CAMK1D: variants seen among roughly 807,000 people sequenced by gnomAD.
The protein encoded by CAMK1D is calcium/calmodulin-dependent protein kinase type 1D.
Under a neutral mutation model 47.7 loss-of-function variants are expected in CAMK1D, and 9 were observed. The observed-to-expected ratio is 0.19, with a 90% CI of 0.11 to 0.33. The LOEUF is 0.33. Ranked by LOEUF, CAMK1D falls within the 10% of genes least tolerant of loss-of-function variation. CAMK1D has a pLI of 1.00. For missense variants in CAMK1D, 291 were observed against 488.7 expected (o/e 0.60, Z 3.81); for synonymous variants, 184 against 184.9 (o/e 0.99, Z 0.04).
intron 1 of CAMK1D, among the ~76,000 whole-genome samples, chr10:12,354,007 A>G (rs1234119741): frequency 6.6e-6 from 1 of 152,100 alleles, no homozygotes; most frequent in African/African-American, 2.4e-5. Context: ...TCTAGGAAGC[A>G]CCCTAGACTC....
intron 2 of CAMK1D, among the ~76,000 whole-genome samples, chr10:12,612,469 G>C (rs1252471045): frequency 2.0e-5 from 3 of 151,222 alleles, no homozygotes; most frequent in Admixed American, 1.3e-4. Flanking sequence ...AGCCTCCCAA[G>C]TAGTGGGGAT....
intron 5 of CAMK1D, among the ~76,000 whole-genome samples, chr10:12,787,650 T>C (rs908305625): frequency 1.3e-5 from 2 of 152,242 alleles, no homozygotes; most frequent in Non-Finnish European, 2.9e-5. Context: ...CTTTCTCGTG[T>C]ATCTGTTGCT....
intron 1 of CAMK1D, among the ~76,000 whole-genome samples, chr10:12,420,331 C>T (rs1840007641): frequency 6.6e-6 from 1 of 152,150 alleles, no homozygotes; most frequent in Non-Finnish European, 1.5e-5. Flanking sequence ...TAGTAGTAGT[C>T]CTTTTCATAT....
Position 12,535,116 on chromosome 10 carries a change from A to C in CAMK1D, c.93-18109A>C, listed in dbSNP as rs546069411. On this transcript the variant is annotated intron_variant, in intron 1 of 10. Coordinates refer to ENST00000619168, the MANE Select transcript of CAMK1D (RefSeq NM_153498.4). ...TAAGCTGAGACACAGGAAGTGAGGC[A>C]CAGTCCCTGCTACAGCCCATCGTAT... 1.5e-4 allele frequency among the ~76,000 whole-genome samples: 23 copies of C among 152,308 alleles called. 1 individual carries two copies. The highest frequency in any genetic ancestry group is 3.4e-3 in the Middle Eastern group (1 of 294).
At chr10:12,636,745 A>G (rs1219374458) in intron 2 of CAMK1D, among the ~76,000 whole-genome samples, 1 of 152,202 alleles carries the variant, frequency 6.6e-6, no homozygotes, top group East Asian at 1.9e-4. Context: ...TCCAAAGCTG[A>G]GGCTTTTTCT....
intron 4 of CAMK1D, 74 bp from the exon 5 acceptor site, chr10:12,769,599 A>G: frequency 1.3e-6 from 2 of 1,538,556 alleles, no homozygotes; most frequent in Non-Finnish European, 1.8e-6. Flanking sequence ...TAGGTTTTGC[A>G]GCTGAATGAG....
At chr10:12,638,704 A>G (rs1839581035) in intron 2 of CAMK1D, among the ~76,000 whole-genome samples, 1 of 152,152 alleles carries the variant, frequency 6.6e-6, no homozygotes, top group African/African-American at 2.4e-5. Flanking sequence ...CCAGAGTGCA[A>G]TCGTGTCTGC....
intron 3 of CAMK1D, among the ~76,000 whole-genome samples, chr10:12,751,071 GATAAGATAAGATAAGATAAGAT>G (rs1564535352): frequency 8.7e-4 from 22 of 25,150 alleles, no homozygotes; most frequent in African/African-American, 2.7e-3. Context: ...GATAAGATAA[GATAAGATAAGATAAGATAAGAT>G]AAGATAAGAT....
chr10:12,468,052 C>T (rs11257811), intron 1 of CAMK1D, among the ~76,000 whole-genome samples: 40,607 of 152,004 alleles, frequency 0.27, 6,130 homozygotes, highest in Non-Finnish European at 0.33. Flanking sequence ...TATGCAAATA[C>T]GCTTTTTAAT....
intron 1 of CAMK1D, among the ~76,000 whole-genome samples, chr10:12,413,873 G>C (rs973806548): frequency 5.3e-5 from 8 of 152,322 alleles, no homozygotes; most frequent in African/African-American, 1.9e-4. Context: ...AGTAAAATGA[G>C]AAAGATAATG....
intron 3 of CAMK1D, among the ~76,000 whole-genome samples, chr10:12,714,805 C>A (rs1027642040): frequency 2.0e-5 from 3 of 149,030 alleles, no homozygotes; most frequent in African/African-American, 5.0e-5. Flanking sequence ...CACACACACA[C>A]AATGTCTGAT....
chr10:12,434,693 C>G (rs1832577595), intron 1 of CAMK1D, among the ~76,000 whole-genome samples: 1 of 152,224 alleles, frequency 6.6e-6, no homozygotes, highest in Non-Finnish European at 1.5e-5. Flanking sequence ...GTTTTCAAAT[C>G]TGTTAAATAA....
intron 3 of CAMK1D, among the ~76,000 whole-genome samples, chr10:12,714,479 G>T (rs1048285001): frequency 6.6e-6 from 1 of 152,116 alleles, no homozygotes. Context: ...CCAGCACTTT[G>T]GGGGGCCAAG....
At chr10:12,522,296 A>C (rs1385146653) in intron 1 of CAMK1D, among the ~76,000 whole-genome samples, 2 of 141,226 alleles carry the variant, frequency 1.4e-5, no homozygotes, top group Non-Finnish European at 3.1e-5. Flanking sequence ...GTCAGCAGAC[A>C]AACAAGTGAA....
At chr10:12,480,915 G>A (rs12774912) in intron 1 of CAMK1D, among the ~76,000 whole-genome samples, 214 of 152,230 alleles carry the variant, frequency 1.4e-3, no homozygotes, top group Non-Finnish European at 2.0e-3. Flanking sequence ...GAAAGAGATC[G>A]GATCTAACCA....
chr10:12,826,811 C>A (rs1377077261), intron 10 of CAMK1D, among the ~76,000 whole-genome samples: 1 of 152,240 alleles, frequency 6.6e-6, no homozygotes, highest in Non-Finnish European at 1.5e-5. Flanking sequence ...GAATCTTTTC[C>A]ACCCTCTGGT....
intron 3 of CAMK1D, among the ~76,000 whole-genome samples, chr10:12,714,676 G>A (rs1039199717): frequency 7.3e-5 from 11 of 151,472 alleles, no homozygotes; most frequent in African/African-American, 9.7e-5. Flanking sequence ...CCGAGATCAC[G>A]CCACTGCACT....
intron 4 of CAMK1D, among the ~76,000 whole-genome samples, chr10:12,761,888 A>AT (rs1836525633): frequency 2.0e-5 from 3 of 152,164 alleles, no homozygotes; most frequent in East Asian, 1.9e-4. Context: ...CCGTCTCAAA[A>AT]AAAATAAATA....
intron 1 of CAMK1D, among the ~76,000 whole-genome samples, chr10:12,537,017 A>G (rs908533208): frequency 2.6e-5 from 4 of 152,144 alleles, no homozygotes; most frequent in Admixed American, 6.5e-5. Context: ...CATGGTACAG[A>G]TGTACCATTA....
Sources: gnomAD v4.1 joint callset for allele counts (sites outside exome capture counted in the v4.1 genomes callset) on GRCh38, gnomAD v4.1.1 for gene constraint, MANE v1.5 for transcripts, NCBI Gene and HGNC (gene_info 2026-07-23, HGNC 2026-07-21) for gene names.